The following STK4 variants were observed in gnomAD, a reference collection of about 807,000 sequenced individuals.
STK4 encodes serine/threonine-protein kinase 4.
In STK4, 30 loss-of-function variants were observed where a neutral mutation model predicts 64.9. That is an observed-to-expected ratio of 0.46 (90% CI 0.35 to 0.63). The LOEUF is 0.63. Among genes scored for constraint, STK4 ranks in the 20% least tolerant of loss-of-function variants. The pLI is 0.01. For missense variants in STK4, 466 were observed against 598.5 expected (o/e 0.78, Z 2.31); for synonymous variants, 177 against 199.0 (o/e 0.89, Z 0.93).
chr20:44,996,101 T>TA (rs1422062491), intron 6 of STK4, among the ~76,000 whole-genome samples: 3 of 152,206 alleles, frequency 2.0e-5, no homozygotes, highest in African/African-American at 7.2e-5. Context: ...GTTCATTTTT[T>TA]ATCTTTCTTC....
intron 10 of STK4, among the ~76,000 whole-genome samples, chr20:45,039,582 G>A (rs1444324863): frequency 1.3e-5 from 2 of 152,076 alleles, no homozygotes; most frequent in African/African-American, 2.4e-5. Flanking sequence ...GTAAAATGGT[G>A]CTCTGTGGAA....
chr20:45,030,473 C>T (rs778471157), intron 10 of STK4, among the ~76,000 whole-genome samples: 2 of 152,200 alleles, frequency 1.3e-5, no homozygotes, highest in African/African-American at 2.4e-5. Flanking sequence ...AAAGATAATT[C>T]TGTTTCCTCC....
intron 10 of STK4, among the ~76,000 whole-genome samples, chr20:45,073,297 ACT>A (rs1456900619): frequency 6.6e-6 from 1 of 151,670 alleles, no homozygotes; most frequent in African/African-American, 2.4e-5. Flanking sequence ...ATTTACCCAC[ACT>A]CTCAAGTCTT....
intron 10 of STK4, among the ~76,000 whole-genome samples, chr20:45,052,842 G>C (rs541686841): frequency 3.3e-5 from 5 of 152,130 alleles, no homozygotes; most frequent in Admixed American, 2.6e-4. Flanking sequence ...TTTCTGACCC[G>C]GCAGTGCCAT....
At chr20:45,024,719 A>G (rs1181455728) in intron 9 of STK4, among the ~76,000 whole-genome samples, 1 of 152,228 alleles carries the variant, frequency 6.6e-6, no homozygotes, top group Non-Finnish European at 1.5e-5. Flanking sequence ...CTTTCCATTT[A>G]GAAAGAGGGA....
intron 9 of STK4, among the ~76,000 whole-genome samples, chr20:45,012,601 A>G (rs1298182627): frequency 6.6e-6 from 1 of 152,126 alleles, no homozygotes; most frequent in Non-Finnish European, 1.5e-5. Context: ...TACAAATGGC[A>G]TAGTTTAAAA....
intron 10 of STK4, among the ~76,000 whole-genome samples, 171 bp from the exon 11 acceptor site, chr20:45,074,847 T>C (rs867022763): frequency 1.3e-5 from 2 of 152,296 alleles, no homozygotes; most frequent in Middle Eastern, 6.8e-3. Context: ...AGGTATGCCA[T>C]GCTTTGGAAT....
chr20:45,040,775 A>G (rs2068601010), intron 10 of STK4, among the ~76,000 whole-genome samples: 1 of 151,844 alleles, frequency 6.6e-6, no homozygotes, highest in African/African-American at 2.4e-5. Flanking sequence ...AAATGTGTTT[A>G]TTACAAACTC....
At chr20:44,992,894 C>A (rs1007204471) in intron 5 of STK4, among the ~76,000 whole-genome samples, 1 of 151,926 alleles carries the variant, frequency 6.6e-6, no homozygotes. Context: ...CGGGATTTCG[C>A]TATGTTTCCC....
At chr20:45,050,844 A>AAGGG (rs2068766184) in intron 10 of STK4, among the ~76,000 whole-genome samples, 1 of 152,172 alleles carries the variant, frequency 6.6e-6, no homozygotes, top group Non-Finnish European at 1.5e-5. Context: ...TTACAAAAAT[A>AAGGG]TTAACCCTTA....
rs1157143280 is a variant in STK4, at chr20:45,076,889, T to G, written c.*1713T>G. ...TTTTAAAAAATGCAAGAGGCAGTTG[T>G]TAGTCTTCAGGGCTTGGCAACTGAA... On this transcript the variant is annotated 3_prime_UTR_variant, in exon 11 of 11. Coordinates refer to ENST00000372806, the MANE Select transcript of STK4 (RefSeq NM_006282.5). The surrounding 1 kb of genome is among the most constrained non-coding windows in gnomAD (Gnocchi z 4.0). 6.6e-6 allele frequency: 1 copy of G among 152,232 alleles called. No homozygotes were observed. Among genetic ancestry groups the G allele is most frequent in the Admixed American group, 6.5e-5 (1 of 15,282 alleles). 9.4% of individuals were successfully genotyped at this position (152,232 alleles called of 1,614,324 possible).
At chr20:45,025,717 A>G (rs2068332512) in intron 10 of STK4, among the ~76,000 whole-genome samples, 1 of 152,200 alleles carries the variant, frequency 6.6e-6, no homozygotes, top group Non-Finnish European at 1.5e-5. Context: ...AAAGTAAGCT[A>G]AGGAGTCTGC....
chr20:45,011,601 A>T (rs530544785), intron 9 of STK4, among the ~76,000 whole-genome samples: 1 of 151,286 alleles, frequency 6.6e-6, no homozygotes, highest in African/African-American at 2.4e-5. Flanking sequence ...TATAGTTTTT[A>T]AACTGTAATC....
intron 10 of STK4, among the ~76,000 whole-genome samples, chr20:45,058,428 G>C (rs1227786457): frequency 6.6e-6 from 1 of 152,108 alleles, no homozygotes; most frequent in Non-Finnish European, 1.5e-5. Flanking sequence ...AGCTTACTTA[G>C]GGAATTTCTA....
At chr20:45,007,826 T>C (rs1165797174) in intron 9 of STK4, 4 of 417,972 alleles carry the variant, frequency 9.6e-6, no homozygotes, top group African/African-American at 6.3e-5. Flanking sequence ...TGCATAAATA[T>C]ATTATACCCA....
chr20:44,970,508 C>T (rs1222592720), intron 1 of STK4: 1 of 152,070 alleles, frequency 6.6e-6, no homozygotes, highest in Non-Finnish European at 1.5e-5. Context: ...ACCAAAAAAA[C>T]CCTGGCATAT....
At chr20:45,031,904 C>CAAAAAAA (rs11431524) in intron 10 of STK4, among the ~76,000 whole-genome samples, 2 of 75,650 alleles carry the variant, frequency 2.6e-5, no homozygotes, top group African/African-American at 4.7e-5. Context: ...GACTTCATCT[C>CAAAAAAA]AAAAAAAAAA....
intron 4 of STK4, among the ~76,000 whole-genome samples, chr20:44,985,651 T>A (rs527784889): frequency 6.6e-6 from 1 of 152,352 alleles, no homozygotes; most frequent in Non-Finnish European, 1.5e-5. Flanking sequence ...CTTTTTTTCA[T>A]ATTATTAGCA....
intron 4 of STK4, among the ~76,000 whole-genome samples, chr20:44,984,173 T>A (rs75540836): frequency 2.7e-5 from 4 of 146,162 alleles, no homozygotes; most frequent in African/African-American, 1.0e-4. Context: ...GCTGGTTTTT[T>A]GTTGTTGTCG....
Sources: allele counts gnomAD v4.1 joint callset (sites outside exome capture counted in the v4.1 genomes callset), GRCh38; gene constraint gnomAD v4.1.1; non-coding constraint Gnocchi (gnomAD v3.1); transcripts MANE v1.5; gene names NCBI Gene and HGNC (gene_info 2026-07-23, HGNC 2026-07-21).